TEKT5: variants seen among roughly 807,000 people sequenced by gnomAD.
TEKT5 encodes the protein tektin-5.
In TEKT5, 52 loss-of-function variants were observed where a neutral mutation model predicts 48.7. That is an observed-to-expected ratio of 1.07 (90% CI 0.86 to 1.35). TEKT5 has a LOEUF of 1.35. Ranked by LOEUF, TEKT5 falls within the 40% of genes most tolerant of loss-of-function variation. The pLI, the probability that TEKT5 is intolerant of heterozygous loss-of-function variation, is 0.00. For synonymous variants in TEKT5, 318 were observed against 267.6 expected (o/e 1.19, Z -1.84); for missense variants, 831 against 641.6 (o/e 1.30, Z -3.19).
At chr16:10,629,460 A>G (rs1897805042) in intron 6 of TEKT5, among the ~76,000 whole-genome samples, 1 of 152,176 alleles carries the variant, frequency 6.6e-6, no homozygotes, top group Non-Finnish European at 1.5e-5. Flanking sequence ...CATGTTGCTC[A>G]GGCTGGTCTC....
intron 4 of TEKT5, among the ~76,000 whole-genome samples, chr16:10,679,265 T>C (rs185487162): frequency 4.6e-5 from 7 of 152,262 alleles, no homozygotes; most frequent in Non-Finnish European, 8.8e-5. Context: ...TGTCTCTCCC[T>C]GCCCAACATG....
chr16:10,638,340 C>G (rs1464186831), intron 5 of TEKT5, among the ~76,000 whole-genome samples: 1 of 151,718 alleles, frequency 6.6e-6, no homozygotes, highest in African/African-American at 2.4e-5. Context: ...CTATTGTCAC[C>G]CAGTGGCCCT....
chr16:10,663,710 T>C (rs1898412283), intron 5 of TEKT5, among the ~76,000 whole-genome samples: 1 of 152,192 alleles, frequency 6.6e-6, no homozygotes, highest in African/African-American at 2.4e-5. Flanking sequence ...CATTGGGGGC[T>C]GTTTAGCACA....
chr16:10,654,954 C>G (rs1335555185), intron 5 of TEKT5, among the ~76,000 whole-genome samples: 3 of 131,476 alleles, frequency 2.3e-5, no homozygotes, highest in East Asian at 2.7e-4. Flanking sequence ...ACCCCCCCCC[C>G]CCAGTCTGTG....
intron 4 of TEKT5, among the ~76,000 whole-genome samples, chr16:10,678,869 C>T (rs1055714377): frequency 6.6e-5 from 10 of 152,200 alleles, no homozygotes; most frequent in African/African-American, 2.2e-4. Flanking sequence ...GCCTCCTCAG[C>T]AGGCAGTGTG....
intron 5 of TEKT5, among the ~76,000 whole-genome samples, chr16:10,673,646 A>AT (rs60322821): frequency 0.095 from 9,998 of 105,618 alleles, 630 homozygotes; most frequent in Middle Eastern, 0.12. Context: ...CACCCATTCT[A>AT]TTTTTTTTTT....
At position 10,635,881 on chromosome 16, in the gene TEKT5, A is replaced by G. The variant is rs765516318; in HGVS notation, c.1124T>C (p.Met375Thr). ...GGCCATGATGGACCTTTCCAGCAGCATGATGGTGTTCTCGGCCTGGAAGAT... is the reference window on the plus strand; with the variant it reads ...GGCCATGATGGACCTTTCCAGCAGCGTGATGGTGTTCTCGGCCTGGAAGAT... ...QEIFQAENTI[M>T]LLERSIMAKE... Residue 375 changes from methionine to threonine, a missense_variant, in exon 6 of 7, where the codon ATG (methionine) becomes ACG (threonine). Coordinates refer to ENST00000283025, the MANE Select transcript of TEKT5 (RefSeq NM_144674.2). 1.2e-6 allele frequency: 2 copies of G among 1,614,092 alleles called. No individual in the cohort carries two copies. The highest frequency in any genetic ancestry group is 3.3e-5 in the Admixed American group (2 of 60,024).
chr16:10,689,465 C>A, intron 2 of TEKT5, 142 bp from the exon 3 acceptor site: 1 of 682,202 alleles, frequency 1.5e-6, no homozygotes, highest in Non-Finnish European at 2.5e-6. Flanking sequence ...GGGGCCCCGC[C>A]TCAATCCACG....
chr16:10,652,020 C>T (rs548618525), intron 5 of TEKT5, among the ~76,000 whole-genome samples: 247 of 132,380 alleles, frequency 1.9e-3, no homozygotes, highest in Non-Finnish European at 2.8e-3. Context: ...AATCCCAGCT[C>T]GAGCACATCC....
At chr16:10,628,949 A>C (rs1373601414) in intron 6 of TEKT5, among the ~76,000 whole-genome samples, 1 of 151,884 alleles carries the variant, frequency 6.6e-6, no homozygotes, top group Non-Finnish European at 1.5e-5. Context: ...ACCTGCAACA[A>C]CATGAATGAA....
At chr16:10,684,231 C>T (rs1267248211) in intron 3 of TEKT5, among the ~76,000 whole-genome samples, 1 of 152,124 alleles carries the variant, frequency 6.6e-6, no homozygotes, top group African/African-American at 2.4e-5. Context: ...ATGTCAGACA[C>T]CAGCTAAACC....
intron 4 of TEKT5, among the ~76,000 whole-genome samples, chr16:10,681,375 CTG>C (rs1294766887): frequency 2.5e-3 from 75 of 29,980 alleles, no homozygotes; most frequent in African/African-American, 0.015. Flanking sequence ...ATTCCACTCT[CTG>C]TCTCTCTCTC....
At chr16:10,631,961 G>A (rs1897846774) in intron 6 of TEKT5, among the ~76,000 whole-genome samples, 1 of 152,234 alleles carries the variant, frequency 6.6e-6, no homozygotes, top group Non-Finnish European at 1.5e-5. Flanking sequence ...AATGCGGCAA[G>A]GTGAGCTGTG....
intron 3 of TEKT5, among the ~76,000 whole-genome samples, chr16:10,685,722 T>TC (rs1898852673): frequency 6.6e-6 from 1 of 152,116 alleles, no homozygotes; most frequent in Admixed American, 6.6e-5. Flanking sequence ...GTCTCCCTAC[T>TC]CCCCACCCGT....
chr16:10,635,856 G>C lies in TEKT5; in HGVS notation c.1149C>G (p.Ala383=), dbSNP rs1897905159. 1 of 1,614,008 alleles carries C rather than the reference G, an allele frequency of 6.2e-7. No individual in the cohort carries two copies. Among genetic ancestry groups the C allele is most frequent in the Non-Finnish European group, 8.5e-7 (1 of 1,180,044 alleles). The change falls in exon 6 of 7, where the codon GCC becomes GCG. Residue 383 remains alanine (A), a synonymous_variant. Coordinates refer to ENST00000283025, the MANE Select transcript of TEKT5 (RefSeq NM_144674.2). The part of the protein sequence containing the change: ...TIMLLERSIM[A]KEGPLKVAQT... ...GGGCCACCTTCAGCGGGCCCTCCTT[G>C]GCCATGATGGACCTTTCCAGCAGCA...
At chr16:10,680,753 A>G (rs886876048) in intron 4 of TEKT5, among the ~76,000 whole-genome samples, 6 of 150,246 alleles carry the variant, frequency 4.0e-5, no homozygotes, top group African/African-American at 1.2e-4. Context: ...GTAAACTATC[A>G]CAAGAACAAA....
rs760828518 is a variant in TEKT5, at chr16:10,676,052, C to T, written c.993G>A (p.Met331Ile). 6 of 1,614,128 alleles carry T rather than the reference C, an allele frequency of 3.7e-6. No individual in the cohort carries two copies. The highest frequency in any genetic ancestry group is 5.1e-6 in the Non-Finnish European group (6 of 1,180,050). Residue 331 changes from methionine to isoleucine, a missense_variant, in exon 5 of 7, where the codon ATG (methionine) becomes ATA (isoleucine). Coordinates refer to ENST00000283025, the MANE Select transcript of TEKT5 (RefSeq NM_144674.2). ...GGTTGGTGTCTGTGAACTGCCTCCA[C>T]ATCTGATCCGACAAGGTCTCAAAGA... ...EHLFETLSDQ[M>I]WRQFTDTNLA...
At chr16:10,660,628 C>T (rs182883461) in intron 5 of TEKT5, among the ~76,000 whole-genome samples, 3 of 151,382 alleles carry the variant, frequency 2.0e-5, no homozygotes, top group African/African-American at 7.3e-5. Flanking sequence ...CTTCAAAAGC[C>T]AGTCTGAGAA....
chr16:10,672,854 T>G (rs549362273), intron 5 of TEKT5, among the ~76,000 whole-genome samples: 6 of 151,764 alleles, frequency 4.0e-5, no homozygotes, highest in Admixed American at 6.6e-5. Flanking sequence ...TTTTGTTTTT[T>G]TTTGTTTTTT....
Sources: gnomAD v4.1 joint callset for allele counts (sites outside exome capture counted in the v4.1 genomes callset) on GRCh38, gnomAD v4.1.1 for gene constraint, MANE v1.5 for transcripts, NCBI Gene and HGNC (gene_info 2026-07-23, HGNC 2026-07-21) for gene names.